Variants in TRAM2 observed in about 807,000 individuals in gnomAD.
TRAM2 encodes the protein translocation associated membrane protein 2.
TRAM2 carries 12 observed loss-of-function variants against 51.0 expected under a neutral mutation model. The ratio of observed to expected loss-of-function variants is 0.24; its 90% confidence interval spans 0.15 to 0.38. The LOEUF (loss-of-function observed/expected upper bound fraction) is 0.38. Among genes scored for constraint, TRAM2 ranks in the 10% least tolerant of loss-of-function variants. The pLI is 1.00. For synonymous variants in TRAM2, 175 were observed against 179.4 expected (o/e 0.98, Z 0.20); for missense variants, 361 against 462.0 (o/e 0.78, Z 2.00).
At chr6:52,505,938 T>G in intron 8 of TRAM2, 94 bp downstream of exon 8, 1 of 1,456,254 alleles carries the variant, frequency 6.9e-7, no homozygotes, top group Admixed American at 1.8e-5. Flanking sequence ...AAGCGGGCAG[T>G]GTGCAACCAG....
intron 1 of TRAM2, among the ~76,000 whole-genome samples, chr6:52,568,850 G>A (rs1361704965): frequency 6.6e-6 from 1 of 152,102 alleles, no homozygotes; most frequent in East Asian, 1.9e-4. Flanking sequence ...ACAATACTCT[G>A]TCCCTGCAAA....
intron 2 of TRAM2, among the ~76,000 whole-genome samples, chr6:52,527,385 AAAAAAG>A (rs1234267597): frequency 3.8e-4 from 58 of 151,892 alleles, no homozygotes; most frequent in Non-Finnish European, 5.7e-4. Context: ...CTCAAAAAAA[AAAAAAG>A]AAAAGAAAAG....
intron 1 of TRAM2, among the ~76,000 whole-genome samples, chr6:52,569,442 A>G (rs1350684080): frequency 1.3e-5 from 2 of 151,702 alleles, no homozygotes; most frequent in African/African-American, 4.8e-5. Flanking sequence ...CACCAAATCT[A>G]TGGCATTTTT....
At chr6:52,563,853 T>TTA (rs1554266769) in intron 1 of TRAM2, among the ~76,000 whole-genome samples, 1 of 64,582 alleles carries the variant, frequency 1.5e-5, no homozygotes, top group African/African-American at 5.0e-5. Flanking sequence ...AAACACTTAT[T>TTA]TTTTTTTTTT....
chr6:52,505,970 G>A lies in TRAM2; in HGVS notation c.731+62C>T, dbSNP rs1035875019. The A allele has an allele frequency of 1.3e-4, 199 of 1,568,788 alleles. 1 individual carries two copies. The highest frequency in any genetic ancestry group is 2.7e-4 in the Admixed American group (16 of 59,774). On this transcript the variant is annotated intron_variant, in intron 8 of 10. Coordinates refer to ENST00000182527, the MANE Select transcript of TRAM2 (RefSeq NM_012288.4). ...CCAGGGAGGGACCCTCCAACCATCC[G>A]GGCCTCGGGGGAACCCCTGCCCAGG...
intron 2 of TRAM2, among the ~76,000 whole-genome samples, chr6:52,527,254 T>C (rs2114079604): frequency 6.6e-6 from 1 of 151,836 alleles, no homozygotes; most frequent in East Asian, 1.9e-4. Flanking sequence ...GGCGGGCGCC[T>C]GCAGTCCTTG....
chr6:52,550,213 T>C (rs1278197073), intron 1 of TRAM2, among the ~76,000 whole-genome samples: 3 of 152,152 alleles, frequency 2.0e-5, no homozygotes, highest in African/African-American at 7.2e-5. Context: ...CCACCAAAAC[T>C]CCAGCCCCTC....
At chr6:52,557,340 C>G (rs1205317042) in intron 1 of TRAM2, among the ~76,000 whole-genome samples, 3 of 152,302 alleles carry the variant, frequency 2.0e-5, no homozygotes, top group African/African-American at 7.2e-5. Flanking sequence ...TATTCAGGTA[C>G]TCTGAACAAA....
At chr6:52,567,321 T>G (rs1005221398) in intron 1 of TRAM2, among the ~76,000 whole-genome samples, 3 of 152,274 alleles carry the variant, frequency 2.0e-5, no homozygotes, top group Admixed American at 2.0e-4. Context: ...AAGTGTCACA[T>G]TCTCTTCTTT....
chr6:52,512,504 C>A (rs912588205), intron 4 of TRAM2, among the ~76,000 whole-genome samples: 1 of 152,180 alleles, frequency 6.6e-6, no homozygotes, highest in Non-Finnish European at 1.5e-5. Flanking sequence ...CTGGGGCACC[C>A]TCTGAGCTCA....
At chr6:52,572,903 T>C (rs1161057368) in intron 1 of TRAM2, among the ~76,000 whole-genome samples, 1 of 152,112 alleles carries the variant, frequency 6.6e-6, no homozygotes, top group Non-Finnish European at 1.5e-5. Context: ...AAAAGGTAAA[T>C]CTGCCAAATC....
chr6:52,520,393 G>T (rs1766648352), intron 2 of TRAM2, among the ~76,000 whole-genome samples: 1 of 152,230 alleles, frequency 6.6e-6, no homozygotes, highest in African/African-American at 2.4e-5. Context: ...GAGTGGCAAG[G>T]CTGGAAGCCA....
chr6:52,551,092 G>A (rs576970203), intron 1 of TRAM2, among the ~76,000 whole-genome samples: 20 of 152,286 alleles, frequency 1.3e-4, no homozygotes, highest in Admixed American at 2.0e-4. Context: ...TGTGGTGGAC[G>A]AACAGTTTCC....
intron 1 of TRAM2, among the ~76,000 whole-genome samples, chr6:52,538,497 A>C (rs1767013839): frequency 6.6e-6 from 1 of 152,134 alleles, no homozygotes; most frequent in African/African-American, 2.4e-5. Flanking sequence ...GGGTATGAGG[A>C]GGTGCTGCTG....
At chr6:52,549,014 G>T (rs1767260442) in intron 1 of TRAM2, among the ~76,000 whole-genome samples, 1 of 152,206 alleles carries the variant, frequency 6.6e-6, no homozygotes, top group Non-Finnish European at 1.5e-5. Context: ...ATAAAAGGGG[G>T]CAGGTGAGGG....
rs1174681369 is a variant in TRAM2 at position 52,498,537 on chromosome 6, T to C, written c.*4660A>G. 3 of 149,946 alleles carry C rather than the reference T, an allele frequency of 2.0e-5. No homozygotes were observed. The highest frequency in any genetic ancestry group is 4.4e-5 in the Non-Finnish European group (3 of 67,444). 9.3% of individuals were successfully genotyped at this position (149,946 alleles called of 1,614,324 possible). ...GGTGGGGAAAATAACGGAGAAGGAG[T>C]TTGCTATGTGGGGCCAGAGGAGAGT... On this transcript the variant is annotated 3_prime_UTR_variant, in exon 11 of 11. Coordinates refer to ENST00000182527, the MANE Select transcript of TRAM2 (RefSeq NM_012288.4).
At chr6:52,507,864 G>C (rs1766377437) in intron 6 of TRAM2, among the ~76,000 whole-genome samples, 1 of 152,194 alleles carries the variant, frequency 6.6e-6, no homozygotes, top group African/African-American at 2.4e-5. Context: ...GGTTTGGATT[G>C]AGAAATAAGA....
intron 4 of TRAM2, among the ~76,000 whole-genome samples, 175 bp from the exon 5 acceptor site, chr6:52,509,761 T>C (rs1255310290): frequency 6.6e-6 from 1 of 152,096 alleles, no homozygotes; most frequent in African/African-American, 2.4e-5. Context: ...GCTTGGCTGG[T>C]TTCTTTACTG....
At chr6:52,562,164 G>T (rs1202509253) in intron 1 of TRAM2, among the ~76,000 whole-genome samples, 2 of 152,132 alleles carry the variant, frequency 1.3e-5, no homozygotes, top group East Asian at 3.8e-4. Context: ...AGATCCGACA[G>T]AATGTCAAGT....
Sources: gnomAD v4.1 joint callset for allele counts (sites outside exome capture counted in the v4.1 genomes callset) on GRCh38, gnomAD v4.1.1 for gene constraint, MANE v1.5 for transcripts, NCBI Gene and HGNC (gene_info 2026-07-23, HGNC 2026-07-21) for gene names.